STK4: variants seen among roughly 807,000 people sequenced by gnomAD.
The protein encoded by STK4 is serine/threonine kinase 4.
A neutral mutation model predicts 64.9 loss-of-function variants in STK4; 30 were observed. The ratio of observed to expected loss-of-function variants is 0.46; its 90% CI spans 0.35 to 0.63. The LOEUF (loss-of-function observed/expected upper bound fraction) is 0.63, where lower values mean the gene tolerates loss of function less well. Ranked by LOEUF, STK4 falls within the 20% of genes least tolerant of loss-of-function variation. The probability of loss-of-function intolerance (pLI) is 0.01; values close to 1 mark genes in which losing one functional copy is unlikely to be tolerated. For synonymous variants in STK4, 177 were observed against 199.0 expected (o/e 0.89, Z 0.93); for missense variants, 466 against 598.5 (o/e 0.78, Z 2.31).
chr20:45,075,064 T>C lies in STK4; in HGVS notation c.1352T>C (p.Leu451Pro), dbSNP rs1980403811. ...GACCTTCAGAAGAGGCTCTTGGCCCTGGACCCCATGATGGAGCAGGAGATT... is the reference window on the plus strand; with the variant it reads ...GACCTTCAGAAGAGGCTCTTGGCCCCGGACCCCATGATGGAGCAGGAGATT... ...VEDLQKRLLA[L>P]DPMMEQEIEE... The change falls in exon 11 of 11, where the codon CTG becomes CCG. Residue 451 changes from leucine (L) to proline (P), a missense_variant. This residue lies in a region of STK4 where 276 missense variants were observed against 308.9 expected (regional missense o/e 0.89). Coordinates refer to ENST00000372806, the MANE Select transcript of STK4 (RefSeq NM_006282.5). The C allele has an allele frequency of 3.1e-6, 5 of 1,614,214 alleles. No individual in the cohort carries two copies. The highest frequency in any genetic ancestry group is 1.1e-5 in the South Asian group (1 of 91,084).
chr20:45,046,164 G>A (rs188477441), intron 10 of STK4, among the ~76,000 whole-genome samples: 18 of 151,682 alleles, frequency 1.2e-4, no homozygotes, highest in South Asian at 4.1e-4. Flanking sequence ...TTTGGTTTTC[G>A]CCAGGTGCAA....
chr20:44,984,715 A>G (rs994842072), intron 4 of STK4, among the ~76,000 whole-genome samples: 1 of 152,196 alleles, frequency 6.6e-6, no homozygotes, highest in African/African-American at 2.4e-5. Context: ...TTTCATATTG[A>G]TGACATGGTG....
rs1980427375 is a variant in STK4 at position 45,075,309 on chromosome 20, C to T, written c.*133C>T. On this transcript the variant is annotated 3_prime_UTR_variant, in exon 11 of 11. Coordinates refer to ENST00000372806, the MANE Select transcript of STK4 (RefSeq NM_006282.5). Reference sequence around the variant, plus strand: ...GCACCTTTGTGAACTCAGGAATGTGCGCCAGTGGGAAGGGCTCTCTTGACA... The same window carrying T: ...GCACCTTTGTGAACTCAGGAATGTGTGCCAGTGGGAAGGGCTCTCTTGACA... 6.6e-6 allele frequency: 8 copies of T among 1,209,640 alleles called. No homozygotes were observed. The highest frequency in any genetic ancestry group is 3.0e-5 in the South Asian group (2 of 66,524). The allele number at this position is 1,209,640 out of a possible 1,614,324, so 74.9% of individuals were successfully genotyped here. A position where few individuals can be genotyped will look rare whatever the true frequency, so the allele number is the denominator to read the frequency against.
chr20:45,075,122 G>A lies in STK4; in HGVS notation c.1410G>A (p.Arg470=), dbSNP rs1341931414. The change falls in exon 11 of 11, where the codon CGG becomes CGA. Residue 470 remains arginine (R), a synonymous_variant. Coordinates refer to ENST00000372806, the MANE Select transcript of STK4 (RefSeq NM_006282.5). ...EEIRQKYQSK[R]QPILDAIEAK... ...TCCGGCAGAAGTACCAGTCCAAGCG[G>A]CAGCCCATCCTGGATGCCATAGAGG... 6.2e-7 allele frequency: 1 copy of A among 1,614,032 alleles called. No homozygotes were observed. The highest frequency in any genetic ancestry group is 1.7e-5 in the Admixed American group (1 of 60,008).
rs1319371528 is a variant in STK4 at position 44,985,690 on chromosome 20, T to C, written c.361-1442T>C. Among the ~76,000 whole-genome samples the C allele has an allele frequency of 2.0e-5, 3 of 152,226 alleles. No individual in the cohort carries two copies. In the East Asian group the frequency reaches 5.8e-4, roughly 29 times the overall value. ...TACCTGGTGCTTATTAAATATTGATTGATAATATCAAAGGTGTTAAATTAT... is the reference window on the plus strand; with the variant it reads ...TACCTGGTGCTTATTAAATATTGATCGATAATATCAAAGGTGTTAAATTAT... On this transcript the variant is annotated intron_variant, in intron 4 of 10. Transcript: ENST00000372806.
chr20:44,979,487 G>T (rs6031898), intron 3 of STK4, among the ~76,000 whole-genome samples: 1 of 152,034 alleles, frequency 6.6e-6, no homozygotes, highest in East Asian at 1.9e-4. Context: ...AACATGGGTT[G>T]GTCACTGATA....
At chr20:45,000,888 C>G (rs143491210) in intron 8 of STK4, among the ~76,000 whole-genome samples, 1 of 152,194 alleles carries the variant, frequency 6.6e-6, no homozygotes, top group East Asian at 1.9e-4. Flanking sequence ...CCCTGAGATT[C>G]CAAAGATGTT....
rs367635479 is a variant in STK4, at chr20:44,977,098, C to T, written c.117-1345C>T. Among the ~76,000 whole-genome samples the T allele has an allele frequency of 5.3e-5, 8 of 152,224 alleles. 1 individual carries two copies. Among genetic ancestry groups the T allele is most frequent in the East Asian group, 1.9e-4 (1 of 5,178 alleles). The stretch of plus-strand genomic sequence containing the variant: ...GACTACCATGGTATATCTCCTGGGA[C>T]GAAGCACATCACCACTGTAACAAAT... On this transcript the variant is annotated intron_variant, in intron 2 of 10. Transcript: ENST00000372806.
At position 45,001,323 on chromosome 20, in the gene STK4, G is replaced by A. The variant is rs1470492673; in HGVS notation, c.1117G>A (p.Glu373Lys). 2.5e-6 allele frequency: 4 copies of A among 1,612,802 alleles called. No homozygotes were observed. The highest frequency in any genetic ancestry group is 1.1e-5 in the South Asian group (1 of 91,048). ...ACTGGGCACCATGGTGATCAATGCA[G>A]AGGATGAGGAAGAGGAAGGAACTAT... Reference protein sequence around the residue: ...SQLGTMVINAEDEEEEGTMKR... With the variant: ...SQLGTMVINAKDEEEEGTMKR... The change falls in exon 9 of 11, where the codon GAG (glutamate) becomes AAG (lysine). Residue 373 changes from glutamate to lysine, a missense_variant. Physicochemically the swap from Glu to Lys is moderately conservative, Grantham distance 56. Transcript: ENST00000372806.
chr20:45,027,184 T>G (rs1018013617), intron 10 of STK4, among the ~76,000 whole-genome samples: 3 of 152,142 alleles, frequency 2.0e-5, no homozygotes, highest in African/African-American at 7.2e-5. Context: ...ATCCCAGCAC[T>G]TTGGGAGGCC....
At chr20:44,971,922 C>T (rs559270530) in intron 1 of STK4, among the ~76,000 whole-genome samples, 156 bp from the exon 2 acceptor site, 26 of 152,092 alleles carry the variant, frequency 1.7e-4, no homozygotes, top group African/African-American at 4.8e-4. Flanking sequence ...CTGCCTGTAT[C>T]GGCCTCCCAA....
chr20:44,984,269 A>G (rs1356152073), intron 4 of STK4, among the ~76,000 whole-genome samples: 2 of 128,182 alleles, frequency 1.6e-5, no homozygotes, highest in Non-Finnish European at 3.1e-5. Flanking sequence ...AACTCGGCTC[A>G]GTGCAAGCTC....
chr20:45,069,984 C>G (rs893468036), intron 10 of STK4, among the ~76,000 whole-genome samples: 1 of 152,186 alleles, frequency 6.6e-6, no homozygotes, highest in African/African-American at 2.4e-5. Flanking sequence ...AAAGGCTTGC[C>G]TGCATCCTCT....
At chr20:45,060,212 C>T (rs1249199848) in intron 10 of STK4, among the ~76,000 whole-genome samples, 1 of 152,142 alleles carries the variant, frequency 6.6e-6, no homozygotes, top group Non-Finnish European at 1.5e-5. Context: ...TTAGATCCAG[C>T]AGAAGCTTGG....
chr20:45,050,582 T>C (rs1028407704), intron 10 of STK4, among the ~76,000 whole-genome samples: 2 of 152,190 alleles, frequency 1.3e-5, no homozygotes, highest in Admixed American at 6.5e-5. Context: ...ATTGTTGCTT[T>C]ATATTATTTA....
chr20:45,073,453 T>C (rs1362270268), intron 10 of STK4, among the ~76,000 whole-genome samples: 1 of 152,008 alleles, frequency 6.6e-6, no homozygotes, highest in Admixed American at 6.5e-5. Context: ...TCACACTTGC[T>C]CTCACCCCAC....
intron 6 of STK4, 67 bp downstream of exon 6, chr20:44,995,324 A>G: frequency 6.5e-7 from 1 of 1,531,018 alleles, no homozygotes; most frequent in Non-Finnish European, 8.8e-7. Flanking sequence ...GTGAAGTTCA[A>G]GCCAGGTGTT....
intron 5 of STK4, among the ~76,000 whole-genome samples, chr20:44,988,669 C>T (rs2067581057): frequency 6.7e-6 from 1 of 150,234 alleles, no homozygotes; most frequent in Non-Finnish European, 1.5e-5. Flanking sequence ...AATTTTTCTC[C>T]CCTTTTAATA....
intron 9 of STK4, among the ~76,000 whole-genome samples, chr20:45,006,257 T>G (rs544800832): frequency 2.0e-5 from 3 of 150,942 alleles, no homozygotes; most frequent in Admixed American, 6.6e-5. Context: ...TCGGATGTAT[T>G]TATTTATTTA....
Sources: allele counts gnomAD v4.1 joint callset (sites outside exome capture counted in the v4.1 genomes callset), GRCh38; gene constraint gnomAD v4.1.1; regional missense constraint gnomAD v4.1.1; transcripts MANE v1.5; gene names NCBI Gene and HGNC (gene_info 2026-07-23, HGNC 2026-07-21).